ROBO2: variants seen among roughly 807,000 people sequenced by gnomAD.
ROBO2 encodes the protein roundabout homolog 2.
In ROBO2, 53 loss-of-function variants were observed where a neutral mutation model predicts 160.8. The ratio of observed to expected loss-of-function variants is 0.33; its 90% confidence interval spans 0.26 to 0.41. The LOEUF (loss-of-function observed/expected upper bound fraction) is 0.41. Among genes scored for constraint, ROBO2 ranks in the 10% least tolerant of loss-of-function variants. The probability of loss-of-function intolerance (pLI) is 1.00; values close to 1 mark genes in which losing one functional copy is unlikely to be tolerated. For missense variants in ROBO2, 1,577 were observed against 1,722.4 expected, an observed-to-expected ratio of 0.92 and a Z score of 1.49; for synonymous variants, 664 against 611.7, an observed-to-expected ratio of 1.09 and a Z score of -1.26.
intron 2 of ROBO2, among the ~76,000 whole-genome samples, chr3:76,410,913 A>T (rs192072869): frequency 4.1e-4 from 62 of 152,332 alleles, no homozygotes; most frequent in Admixed American, 1.6e-3. Context: ...TTTTGGTCTT[A>T]TGAAGAAAAA....
At chr3:77,363,096 G>C (rs932482688) in intron 2 of ROBO2, among the ~76,000 whole-genome samples, 2 of 152,100 alleles carry the variant, frequency 1.3e-5, no homozygotes, top group South Asian at 2.1e-4. Context: ...CAAAAGAATT[G>C]AAAGTATGTG....
intron 1 of ROBO2, among the ~76,000 whole-genome samples, chr3:75,923,538 C>G (rs1265800820): frequency 2.0e-5 from 3 of 152,124 alleles, no homozygotes; most frequent in Non-Finnish European, 1.5e-5. Context: ...GTGGCAAGTC[C>G]TCAGAGAAGT....
chr3:77,150,356 A>C (rs1354076495), intron 2 of ROBO2, among the ~76,000 whole-genome samples: 9 of 152,244 alleles, frequency 5.9e-5, no homozygotes, highest in African/African-American at 2.2e-4. Flanking sequence ...GACCATTTGC[A>C]TTGAGAACAA....
At chr3:77,097,198 T>A (rs1649065506) in intron 1 of ROBO2, among the ~76,000 whole-genome samples, 1 of 152,250 alleles carries the variant, frequency 6.6e-6, no homozygotes, top group Non-Finnish European at 1.5e-5. Context: ...ACCATGCACG[T>A]AACTGTCATT....
intron 2 of ROBO2, among the ~76,000 whole-genome samples, chr3:76,980,989 A>C (rs1483707922): frequency 6.6e-6 from 1 of 152,136 alleles, no homozygotes; most frequent in African/African-American, 2.4e-5. Flanking sequence ...GTTTTCAAGG[A>C]TCACCCATTC....
intron 2 of ROBO2, among the ~76,000 whole-genome samples, chr3:77,320,977 G>T (rs1270299638): frequency 6.6e-6 from 1 of 152,052 alleles, no homozygotes; most frequent in African/African-American, 2.4e-5. Context: ...TGTCCATTTT[G>T]TTCTTCAGTA....
chr3:76,507,276 T>C (rs1426187973), intron 2 of ROBO2, among the ~76,000 whole-genome samples: 1 of 152,092 alleles, frequency 6.6e-6, no homozygotes, highest in African/African-American at 2.4e-5. Flanking sequence ...AAAATCTAAA[T>C]ACAAATAACA....
At chr3:77,346,509 G>A (rs930670574) in intron 2 of ROBO2, among the ~76,000 whole-genome samples, 4 of 152,080 alleles carry the variant, frequency 2.6e-5, no homozygotes, top group African/African-American at 9.7e-5. Context: ...CAAACTTAGT[G>A]GCTTAAAACC....
At chr3:76,052,114 G>T (rs533544978) in intron 2 of ROBO2, among the ~76,000 whole-genome samples, 1 of 152,166 alleles carries the variant, frequency 6.6e-6, no homozygotes, top group African/African-American at 2.4e-5. Flanking sequence ...AAAAACCTAT[G>T]TGTGAACAAC....
chr3:77,308,441 C>G (rs967336640), intron 2 of ROBO2, among the ~76,000 whole-genome samples: 1 of 152,046 alleles, frequency 6.6e-6, no homozygotes, highest in South Asian at 2.1e-4. Context: ...CCTAGACTTC[C>G]TAAGTGGCCT....
At chr3:76,984,024 C>A (rs2060238663) in intron 2 of ROBO2, among the ~76,000 whole-genome samples, 1 of 152,104 alleles carries the variant, frequency 6.6e-6, no homozygotes, top group Non-Finnish European at 1.5e-5. Flanking sequence ...GGAGTGAGTG[C>A]CAGCAGGGGA....
chr3:76,710,891 G>A (rs264552), intron 2 of ROBO2, among the ~76,000 whole-genome samples: 1 of 151,936 alleles, frequency 6.6e-6, no homozygotes, highest in African/African-American at 2.4e-5. Context: ...ACAAAAGAAA[G>A]TAGTTCACGG....
At chr3:76,106,944 A>G (rs2069962745) in intron 2 of ROBO2, among the ~76,000 whole-genome samples, 1 of 152,080 alleles carries the variant, frequency 6.6e-6, no homozygotes, top group Non-Finnish European at 1.5e-5. Flanking sequence ...GTATCTGAAA[A>G]TCATCCAGTA....
chr3:77,234,269 C>A (rs1334826611), intron 2 of ROBO2, among the ~76,000 whole-genome samples: 2 of 152,126 alleles, frequency 1.3e-5, no homozygotes, highest in African/African-American at 4.8e-5. Flanking sequence ...CCCACGCCTG[C>A]CCTTGGGATT....
intron 2 of ROBO2, chr3:75,965,127 C>A (rs1949057371): frequency 6.6e-6 from 1 of 151,642 alleles, no homozygotes; most frequent in Non-Finnish European, 1.5e-5. Context: ...TCTTGCTTAT[C>A]TTAAGCAATT....
chr3:77,103,283 T>C (rs1425135188), intron 2 of ROBO2, among the ~76,000 whole-genome samples: 2 of 152,194 alleles, frequency 1.3e-5, no homozygotes, highest in Non-Finnish European at 2.9e-5. Flanking sequence ...GTCCCCAGAT[T>C]ATTTTTTCCG....
At chr3:76,576,232 G>T (rs961109299) in intron 2 of ROBO2, among the ~76,000 whole-genome samples, 1 of 152,090 alleles carries the variant, frequency 6.6e-6, no homozygotes, top group Admixed American at 6.6e-5. Flanking sequence ...AATATAACAT[G>T]CCAGTAATAA....
intron 2 of ROBO2, among the ~76,000 whole-genome samples, chr3:76,545,403 C>T (rs910409231): frequency 6.6e-6 from 1 of 151,956 alleles, no homozygotes; most frequent in Admixed American, 6.6e-5. Context: ...AAGAGTTTTC[C>T]ATGTTTCTGT....
chr3:76,103,802 C>T (rs148714739), intron 2 of ROBO2, among the ~76,000 whole-genome samples: 21 of 152,178 alleles, frequency 1.4e-4, no homozygotes, highest in African/African-American at 3.4e-4. Flanking sequence ...TTCTAGGCTC[C>T]GGCTAGGTGA....
Sources: gnomAD v4.1 joint callset for allele counts (sites outside exome capture counted in the v4.1 genomes callset) on GRCh38, gnomAD v4.1.1 for gene constraint, MANE v1.5 for transcripts, NCBI Gene and HGNC (gene_info 2026-07-23, HGNC 2026-07-21) for gene names.